Variants in MAPK3 observed in about 807,000 individuals in gnomAD.
The protein encoded by MAPK3 is MAPK 1.
Under a neutral mutation model 41.8 loss-of-function variants are expected in MAPK3, and 30 were observed. That is an observed-to-expected ratio of 0.72 (90% CI 0.54 to 0.97). The LOEUF (loss-of-function observed/expected upper bound fraction) is 0.97, where lower values mean the gene tolerates loss of function less well. Among genes scored for constraint, MAPK3 ranks in the 50% least tolerant of loss-of-function variants. The pLI is 0.00. For synonymous variants in MAPK3, 222 were observed against 213.4 expected, an observed-to-expected ratio of 1.04 and a Z score of -0.35; for missense variants, 413 against 509.9, an observed-to-expected ratio of 0.81 and a Z score of 1.83.
In MAPK3 at chr16:30,117,791, G is replaced by T; in HGVS notation, c.661-7C>A. The T allele has an allele frequency of 6.2e-7, 1 of 1,607,000 alleles. No individual in the cohort carries two copies. Among genetic ancestry groups the T allele is most frequent in the Non-Finnish European group, 8.5e-7 (1 of 1,173,652 alleles). On this transcript the variant is annotated splice_polypyrimidine_tract_variant and splice_region_variant and intron_variant, in intron 4 of 8. Transcript: ENST00000263025. Reference sequence around the variant, plus strand: ...CGATGGACTTGGTATAGCCCTGGGGGAGAGGAGGAAGTGGTGAGCTCCTGG... The same window carrying T: ...CGATGGACTTGGTATAGCCCTGGGGTAGAGGAGGAAGTGGTGAGCTCCTGG...
chr16:30,118,138 A>G lies in MAPK3; in HGVS notation c.569T>C (p.Ile190Thr). The change falls in exon 4 of 9, where the codon ATT (isoleucine) becomes ACT (threonine). Residue 190 changes from isoleucine (I) to threonine (T), a missense_variant. Around this residue, in one of 4 missense-constraint regions of MAPK3, gnomAD observed 140 missense variants for 206.0 expected, o/e 0.68. Transcript: ENST00000263025. The stretch of plus-strand genomic sequence containing the variant: ...GGTGTGGTCATGCTCAGGATCGGCA[A>G]TCCGGGCCAGGCCGAAATCACAAAT... ...LKICDFGLAR[I>T]ADPEHDHTGF... The G allele has an allele frequency of 1.2e-6, 2 of 1,614,084 alleles. No individual in the cohort carries two copies. Among genetic ancestry groups the G allele is most frequent in the Non-Finnish European group, 1.7e-6 (2 of 1,180,026 alleles).
rs1362194185 is a variant in MAPK3, at chr16:30,119,697, C to G, written c.354-1159G>C. On this transcript the variant is annotated intron_variant, in intron 2 of 8. Coordinates refer to ENST00000263025, the MANE Select transcript of MAPK3 (RefSeq NM_002746.3). ...GGTTTGTGCAAGAAAAATGAGGAGA[C>G]ACTCCCAACAGCACACTCCCACTCA... is the stretch of plus-strand genomic sequence containing the variant. Among the ~76,000 whole-genome samples, 2 of 152,206 alleles carry G rather than the reference C, an allele frequency of 1.3e-5. 1 individual carries two copies. The highest frequency in any genetic ancestry group is 1.3e-4 in the Admixed American group (2 of 15,270).
chr16:30,117,432 C>G (rs997267253), intron 5 of MAPK3, 147 bp from the exon 6 acceptor site: 1 of 880,704 alleles, frequency 1.1e-6, no homozygotes, highest in African/African-American at 1.7e-5. Context: ...TGGTGCAGAG[C>G]AAGGGGGCTG....
rs763510459 is a variant in MAPK3, at chr16:30,123,063, G to T, written c.147C>A (p.Gly49=). 6.6e-7 allele frequency: 1 copy of T among 1,508,652 alleles called. No homozygotes were observed. The highest frequency in any genetic ancestry group is 8.9e-7 in the Non-Finnish European group (1 of 1,129,460). The allele number at this position is 1,508,652 out of a possible 1,614,324, so 93.5% of individuals were successfully genotyped here. Residue 49 remains glycine, a synonymous_variant, in exon 1 of 9, where the codon GGC becomes GGA. Transcript: ENST00000263025. ...GPRYTQLQYI[G]EGAYGMVSSA... is the part of the protein sequence containing the mutation. ...ACCTGACCATGCCGTACGCGCCCTC[G>T]CCGATGTACTGCAACTGCGTGTAGC...
Position 30,123,172 on chromosome 16 carries a change from T to TGCCCC in MAPK3, c.37_38insGGGGC (p.Glu13GlyfsTer21). ...GCCGACCCCCTCGGTTCTACGGGGC[T>TGCCCC]CCCCGCCCCCGCCCCCCTGAGCCGC... On this transcript the variant is annotated frameshift_variant, in exon 1 of 9. Transcript: ENST00000263025. LOFTEE classifies it high-confidence loss of function. 2 of 1,322,446 alleles carry TGCCCC rather than the reference T, an allele frequency of 1.5e-6. No homozygotes were observed. Among genetic ancestry groups the TGCCCC allele is most frequent in the Non-Finnish European group, 2.0e-6 (2 of 991,946 alleles). The allele number at this position is 1,322,446 out of a possible 1,614,324, so 81.9% of individuals were successfully genotyped here. A position where few individuals can be genotyped will look rare whatever the true frequency, so the allele number is the denominator to read the frequency against.
chr16:30,121,275 A>AT (rs2073012701), intron 2 of MAPK3, among the ~76,000 whole-genome samples: 1 of 151,630 alleles, frequency 6.6e-6, no homozygotes, highest in Non-Finnish European at 1.5e-5. Context: ...TGCCCCGCTA[A>AT]TTTTTTTGTA....
In MAPK3 at chr16:30,117,260, C is replaced by T; in HGVS notation, c.801G>A (p.Glu267=). The change falls in exon 6 of 9, where the codon GAG becomes GAA. Residue 267 remains glutamate (E), a synonymous_variant. Coordinates refer to ENST00000263025, the MANE Select transcript of MAPK3 (RefSeq NM_002746.3). ...TCATGTTGATGATACAATTCAGGTC[C>T]TCCTGGGATGGGGAGCCCAGGATGC... ...ILGILGSPSQ[E]DLNCIINMKA... is the part of the protein sequence containing the mutation. The T allele has an allele frequency of 6.2e-7, 1 of 1,614,086 alleles. No individual in the cohort carries two copies. Among genetic ancestry groups the T allele is most frequent in the Non-Finnish European group, 8.5e-7 (1 of 1,180,000 alleles).
At position 30,119,510 on chromosome 16, in the gene MAPK3, A is replaced by G. The variant is rs1406893396; in HGVS notation, c.354-972T>C. 2.0e-5 allele frequency among the ~76,000 whole-genome samples: 3 copies of G among 152,228 alleles called. No individual in the cohort carries two copies. In the East Asian group the frequency reaches 5.8e-4, roughly 29 times the overall value. The stretch of plus-strand genomic sequence containing the variant: ...ATGGCGCATGTAAAGCTGTCAGCCC[A>G]GTGCTTGGCAAGTTGTGAGTGCTAG... On this transcript the variant is annotated intron_variant, in intron 2 of 8. Transcript: ENST00000263025.
rs755286262 is a variant in MAPK3, at chr16:30,117,193, C to T, written c.868G>A (p.Val290Met). The T allele has an allele frequency of 1.9e-6, 3 of 1,614,028 alleles. No individual in the cohort carries two copies. The highest frequency in any genetic ancestry group is 2.5e-6 in the Non-Finnish European group (3 of 1,180,022). ...TTGGGGAAAAGCTTGGCCCAAGCCA[C>T]CTTGGTCTTGGAGGGCAGAGACTGT... ...YLQSLPSKTK[V>M]AWAKLFPKSD... is the part of the protein sequence containing the mutation. The change falls in exon 6 of 9, where the codon GTG becomes ATG. Residue 290 changes from valine to methionine, a missense_variant. Transcript: ENST00000263025.
intron 1 of MAPK3, chr16:30,122,771 C>G (rs2073029395): frequency 2.8e-6 from 1 of 352,698 alleles, no homozygotes. Flanking sequence ...CCCCGCGGGC[C>G]CCCACATGCA....
chr16:30,117,845 C>T (rs200948552), intron 4 of MAPK3, 61 bp from the exon 5 acceptor site: 81 of 1,339,350 alleles, frequency 6.0e-5, no homozygotes, highest in Non-Finnish European at 7.2e-5. Flanking sequence ...CTGTTGTCTG[C>T]GCCAGGCCAC....
At chr16:30,121,665 AG>A (rs1376220271) in intron 2 of MAPK3, among the ~76,000 whole-genome samples, 158 bp downstream of exon 2, 1 of 152,180 alleles carries the variant, frequency 6.6e-6, no homozygotes, top group Non-Finnish European at 1.5e-5. Flanking sequence ...GAGGTCTCCA[AG>A]TCCTGTTACA....
chr16:30,119,608 G>T (rs1270443046), intron 2 of MAPK3, among the ~76,000 whole-genome samples: 2 of 152,136 alleles, frequency 1.3e-5, no homozygotes, highest in Non-Finnish European at 2.9e-5. Flanking sequence ...ATGAGATAAT[G>T]TATGAACACC....
chr16:30,114,944 T>C (rs1344341942), intron 8 of MAPK3, among the ~76,000 whole-genome samples: 3 of 152,060 alleles, frequency 2.0e-5, no homozygotes, highest in Non-Finnish European at 4.4e-5. Flanking sequence ...CTTTCATTAT[T>C]AGAACTGTCT....
rs1396035377 is a variant in MAPK3 at position 30,114,281 on chromosome 16, A to G, written c.*460T>C. On this transcript the variant is annotated 3_prime_UTR_variant, in exon 9 of 9. Transcript: ENST00000263025. ...TTCGGCCCGGCCTGGCTCCTCAGGGATGCTAGCCCTTGAGACTAAGGAATG... is the reference window on the plus strand; with the variant it reads ...TTCGGCCCGGCCTGGCTCCTCAGGGGTGCTAGCCCTTGAGACTAAGGAATG... 3 of 152,272 alleles carry G rather than the reference A, an allele frequency of 2.0e-5. No homozygotes were observed. In the East Asian group the frequency reaches 5.8e-4, roughly 29 times the overall value. The allele number at this position is 152,272 out of a possible 1,614,324, so 9.4% of individuals were successfully genotyped here.
chr16:30,121,270 C>T (rs1291928199), intron 2 of MAPK3, among the ~76,000 whole-genome samples: 1 of 151,868 alleles, frequency 6.6e-6, no homozygotes, highest in Non-Finnish European at 1.5e-5. Context: ...CACCATGCCC[C>T]GCTAATTTTT....
In MAPK3 at chr16:30,116,623, T is replaced by C; in HGVS notation, c.*32+13A>G. ...TATCAGGGTGTCCATGTGTGGGCCA[T>C]GGAGACACTCACCAGGCCCCAGGGT... On this transcript the variant is annotated intron_variant, in intron 8 of 8. Coordinates refer to ENST00000263025, the MANE Select transcript of MAPK3 (RefSeq NM_002746.3). The C allele has an allele frequency of 6.2e-7, 1 of 1,608,434 alleles. No homozygotes were observed. Among genetic ancestry groups the C allele is most frequent in the Non-Finnish European group, 8.5e-7 (1 of 1,178,562 alleles).
chr16:30,118,675 C>A, intron 2 of MAPK3, 137 bp from the exon 3 acceptor site: 4 of 634,940 alleles, frequency 6.3e-6, no homozygotes, highest in Non-Finnish European at 1.1e-5. Context: ...CCAACCTGCA[C>A]CACCAGCTGG....
At chr16:30,114,932 T>C (rs2072940086) in intron 8 of MAPK3, among the ~76,000 whole-genome samples, 1 of 152,164 alleles carries the variant, frequency 6.6e-6, no homozygotes, top group Non-Finnish European at 1.5e-5. Context: ...TAGGGCTTTA[T>C]GCTTTCATTA....
Sources: allele counts gnomAD v4.1 joint callset (sites outside exome capture counted in the v4.1 genomes callset), GRCh38; gene constraint gnomAD v4.1.1; regional missense constraint gnomAD v4.1.1; transcripts MANE v1.5; gene names NCBI Gene and HGNC (gene_info 2026-07-23, HGNC 2026-07-21).